POLQ: variants seen among roughly 807,000 people sequenced by gnomAD.
POLQ encodes epididymis secretory sperm binding protein.
In POLQ, 233 loss-of-function variants were observed where a neutral mutation model predicts 259.2. That is an observed-to-expected ratio of 0.90 (90% CI 0.81 to 1.00). The LOEUF (loss-of-function observed/expected upper bound fraction) is 1.00. Ranked by LOEUF, POLQ falls within the 50% of genes least tolerant of loss-of-function variation. The probability of loss-of-function intolerance (pLI) is 0.00; values close to 1 mark genes in which losing one functional copy is unlikely to be tolerated. For missense variants in POLQ, 2,871 were observed against 3,051.6 expected, an observed-to-expected ratio of 0.94 and a Z score of 1.39; for synonymous variants, 1,025 against 1,048.8, an observed-to-expected ratio of 0.98 and a Z score of 0.44.
In POLQ at chr3:121,545,739, G is replaced by C; in HGVS notation, c.139C>G (p.Arg47Gly). 1 of 1,585,534 alleles carries C rather than the reference G, an allele frequency of 6.3e-7. No individual in the cohort carries two copies. The highest frequency in any genetic ancestry group is 1.1e-5 in the South Asian group (1 of 87,558). The change falls in exon 1 of 30, where the codon CGC (arginine) becomes GGC (glycine). Residue 47 changes from arginine (R) to glycine (G), a missense_variant. Physicochemically the swap from Arg to Gly is moderately radical, Grantham distance 125. Transcript: ENST00000264233. ...CCTGCAGCTGCGGCCTTCAGGCAGC[G>C]ACCAAGGCCGGGCGGCGGGCTCAGC... ...SVLSPPPGLG[R>G]CLKAAAAGEC...
rs753508438 is a variant in POLQ, at chr3:121,510,196, A to AT, written c.1658dup (p.Tyr553Ter). 8.1e-6 allele frequency: 13 copies of AT among 1,613,708 alleles called. No homozygotes were observed. The highest frequency in any genetic ancestry group is 1.1e-5 in the Non-Finnish European group (13 of 1,179,544). Residue 553 changes from tyrosine to a stop codon, truncating the protein, a stop_gained and frameshift_variant, in exon 11 of 30, where the codon TAT becomes TAAT. Transcript: ENST00000264233. LOFTEE classifies it high-confidence loss of function. ...VASTSQDMHT[Y>*]AACTFLAASM... ...TTGCAGCCAAAAATGTGCAGGCAGC[A>AT]TAAGTATGCATATCTTGTGATGTAC...
intron 2 of POLQ, among the ~76,000 whole-genome samples, chr3:121,543,407 T>C (rs2048504467): frequency 1.3e-5 from 2 of 152,242 alleles, no homozygotes; most frequent in Non-Finnish European, 1.5e-5. Context: ...GAGGCACACA[T>C]ACTCACAAAC....
intron 2 of POLQ, 42 bp from the exon 3 acceptor site, chr3:121,541,521 T>C (rs761802749): frequency 6.5e-7 from 1 of 1,530,834 alleles, no homozygotes; most frequent in Non-Finnish European, 8.9e-7. Context: ...AAAAAAGTAA[T>C]ATTCGGTACA....
chr3:121,489,589 G>T lies in POLQ; in HGVS notation c.3342C>A (p.Phe1114Leu). ...SGKEKDNKTS[F>L]PLQIKQNCSW... ...AACAATTTTGCTTTATTTGTAATGG[G>T]AATGATGTTTTATTATCTTTTTCCT... The change falls in exon 16 of 30, where the codon TTC becomes TTA. Residue 1114 changes from phenylalanine to leucine, a missense_variant. Transcript: ENST00000264233. 6.2e-7 allele frequency: 1 copy of T among 1,612,866 alleles called. No homozygotes were observed. Among genetic ancestry groups the T allele is most frequent in the Non-Finnish European group, 8.5e-7 (1 of 1,179,320 alleles).
At chr3:121,478,144 C>T (rs73193622) in intron 19 of POLQ, among the ~76,000 whole-genome samples, 5,499 of 152,096 alleles carry the variant, frequency 0.036, 151 homozygotes, top group Middle Eastern at 0.082. Flanking sequence ...GAAACAACAA[C>T]AGGATGAGGA....
Position 121,436,286 on chromosome 3 carries a change from C to T in POLQ, c.7390-11G>A. 1 of 1,613,160 alleles carries T rather than the reference C, an allele frequency of 6.2e-7. No individual in the cohort carries two copies. Among genetic ancestry groups the T allele is most frequent in the Non-Finnish European group, 8.5e-7 (1 of 1,179,330 alleles). ...AGCTTGACGCTCAGCCTAGAAAAAA[C>T]AATCAACAGGTGCTCCACCAGATAT... On this transcript the variant is annotated splice_polypyrimidine_tract_variant and intron_variant, in intron 27 of 29. Transcript: ENST00000264233.
chr3:121,464,953 T>C (rs2047823310), intron 24 of POLQ, among the ~76,000 whole-genome samples: 1 of 152,210 alleles, frequency 6.6e-6, no homozygotes. Context: ...CATTGTTTTG[T>C]AATGGATGTT....
chr3:121,545,779 G>GA lies in POLQ; in HGVS notation c.98dup (p.Leu34ProfsTer30). 1 of 1,609,616 alleles carries GA rather than the reference G, an allele frequency of 6.2e-7. No individual in the cohort carries two copies. ...GCGGGCTCAGCACGGACCCGGAGAG[G>GA]AACTGGGGGCTGGCACTGCTGTCAC... On this transcript the variant is annotated frameshift_variant, in exon 1 of 30. Coordinates refer to ENST00000264233, the MANE Select transcript of POLQ (RefSeq NM_199420.4). LOFTEE classifies it high-confidence loss of function.
chr3:121,460,038 C>G lies in POLQ; in HGVS notation c.7152+12G>C. ...TCTTCTCCTTTATATTAACCATGTT[C>G]ACTAAAATCACCTGTTTTGCCTGCT... On this transcript the variant is annotated intron_variant, in intron 25 of 29. Coordinates refer to ENST00000264233, the MANE Select transcript of POLQ (RefSeq NM_199420.4). The G allele has an allele frequency of 1.9e-6, 3 of 1,602,840 alleles. 1 individual carries two copies. The highest frequency in any genetic ancestry group is 2.2e-5 in the South Asian group (2 of 90,658).
chr3:121,493,516 C>A lies in POLQ; in HGVS notation c.2484G>T (p.Glu828Asp), dbSNP rs1409421655. The change falls in exon 15 of 30, where the codon GAG (glutamate) becomes GAT (aspartate). Residue 828 changes from glutamate to aspartate, a missense_variant. This residue lies in a region of POLQ where 2,080 missense variants were observed against 2,126.0 expected (regional missense o/e 0.98). Coordinates refer to ENST00000264233, the MANE Select transcript of POLQ (RefSeq NM_199420.4). Reference protein sequence around the residue: ...VADLARANIVEVEVILKNAVP... With the variant: ...VADLARANIVDVEVILKNAVP... ...CAGCATTTTTCAGAATCACCTCCAC[C>A]TCCACAATATTTGCTCTAGCAAGGT... 1.2e-6 allele frequency: 2 copies of A among 1,613,482 alleles called. No homozygotes were observed. Among genetic ancestry groups the A allele is most frequent in the African/African-American group, 2.7e-5 (2 of 74,844 alleles).
chr3:121,459,158 A>G (rs1323224797), intron 25 of POLQ, among the ~76,000 whole-genome samples: 1 of 152,172 alleles, frequency 6.6e-6, no homozygotes, highest in Non-Finnish European at 1.5e-5. Flanking sequence ...AAAGTTACAA[A>G]GGCAGCATGA....
chr3:121,491,555 C>G (rs552573730), intron 15 of POLQ, among the ~76,000 whole-genome samples: 13 of 152,202 alleles, frequency 8.5e-5, no homozygotes, highest in Non-Finnish European at 1.6e-4. Context: ...GCCCAGTCAG[C>G]ACCCTGTAGG....
In POLQ at chr3:121,490,292, A is replaced by T. The variant is rs777193084; in HGVS notation, c.2639T>A (p.Val880Glu). The T allele has an allele frequency of 1.3e-5, 21 of 1,614,086 alleles. No individual in the cohort carries two copies. The Admixed American group carries it at 3.5e-4, about 27-fold the overall frequency. The change falls in exon 16 of 30, where the codon GTG (valine) becomes GAG (glutamate). Residue 880 changes from valine (V) to glutamate (E), a missense_variant. Physicochemically the swap from Val to Glu is moderately radical, Grantham distance 121 (BLOSUM62 -2). Transcript: ENST00000264233. ...LTEREAAALI[V>E]EEARMILQQD... The stretch of plus-strand genomic sequence containing the variant: ...CTGCAGAATCATTCTGGCTTCTTCC[A>T]CTATAAGGGCTGCTGCTTCCCTTTC...
At chr3:121,503,579 C>T (rs1441874105) in intron 12 of POLQ, among the ~76,000 whole-genome samples, 1 of 152,126 alleles carries the variant, frequency 6.6e-6, no homozygotes, top group Admixed American at 6.6e-5. Context: ...TAAGAGACAT[C>T]TATAGAACTC....
intron 22 of POLQ, among the ~76,000 whole-genome samples, chr3:121,468,830 T>A (rs552515331): frequency 4.5e-4 from 68 of 152,316 alleles, no homozygotes; most frequent in African/African-American, 1.6e-3. Context: ...AAAACAACAC[T>A]TTCAGACATC....
At chr3:121,468,178 T>C in intron 23 of POLQ, 127 bp downstream of exon 23, 1 of 728,140 alleles carries the variant, frequency 1.4e-6, no homozygotes, top group Non-Finnish European at 2.2e-6. Context: ...CAAAACGGTC[T>C]AGGACAGAAA....
chr3:121,466,219 T>C (rs1162417910), intron 24 of POLQ, among the ~76,000 whole-genome samples: 2 of 151,156 alleles, frequency 1.3e-5, no homozygotes, highest in East Asian at 3.9e-4. Flanking sequence ...CTATTCAGTA[T>C]GTCAATTGCA....
intron 12 of POLQ, among the ~76,000 whole-genome samples, chr3:121,508,173 A>C (rs568613780): frequency 5.9e-5 from 9 of 152,190 alleles, no homozygotes; most frequent in African/African-American, 2.2e-4. Context: ...TAACTCTTGA[A>C]GGGCATACAA....
chr3:121,511,676 G>T (rs1316206801), intron 10 of POLQ, among the ~76,000 whole-genome samples: 1 of 152,114 alleles, frequency 6.6e-6, no homozygotes, highest in African/African-American at 2.4e-5. Context: ...TACTCGGGAG[G>T]CTGGGGCAGG....
Sources: allele counts gnomAD v4.1 joint callset (sites outside exome capture counted in the v4.1 genomes callset), GRCh38; gene constraint gnomAD v4.1.1; regional missense constraint gnomAD v4.1.1; transcripts MANE v1.5; gene names NCBI Gene and HGNC (gene_info 2026-07-23, HGNC 2026-07-21).